The following AKAP19 variants were observed in gnomAD, a reference collection of about 807,000 sequenced individuals.
AKAP19 encodes A-kinase anchoring protein 19.
chr2:189,929,891 G>A, the AKAP19 span, among the ~76,000 whole-genome samples: 44 of 152,210 alleles, frequency 2.9e-4, no homozygotes, highest in Non-Finnish European at 5.1e-4. Flanking sequence ...GGATGGGGAG[G>A]GGGAAGAGAA....
chr2:190,190,970 T>A, the AKAP19 span, among the ~76,000 whole-genome samples: 1 of 152,126 alleles, frequency 6.6e-6, no homozygotes, highest in East Asian at 1.9e-4. Context: ...TAATCTATCA[T>A]CTGTCCCTAT....
the AKAP19 span, among the ~76,000 whole-genome samples, chr2:190,136,699 C>T: frequency 1.7e-4 from 26 of 151,816 alleles, no homozygotes; most frequent in African/African-American, 6.0e-4. Context: ...TAGTTTCTCC[C>T]ACCACTCTGA....
the AKAP19 span, among the ~76,000 whole-genome samples, chr2:190,046,690 T>A: frequency 6.6e-6 from 1 of 152,236 alleles, no homozygotes; most frequent in African/African-American, 2.4e-5. Flanking sequence ...ACCATGTCAC[T>A]AACAAAAATC....
chr2:189,922,146 T>C, the AKAP19 span, among the ~76,000 whole-genome samples: 641 of 152,150 alleles, frequency 4.2e-3, 3 homozygotes, highest in African/African-American at 0.015. Context: ...AGCCCAATAA[T>C]AAGAGAAACC....
At chr2:190,118,406 C>T in the AKAP19 span, among the ~76,000 whole-genome samples, 1 of 152,074 alleles carries the variant, frequency 6.6e-6, no homozygotes, top group African/African-American at 2.4e-5. Context: ...CTGGCAGAGA[C>T]ACAACAAAAA....
At chr2:190,018,772 C>T in the AKAP19 span, among the ~76,000 whole-genome samples, 45 of 152,270 alleles carry the variant, frequency 3.0e-4, no homozygotes, top group African/African-American at 1.1e-3. Context: ...TTCACTTTTA[C>T]AGATGTTATT....
At chr2:189,974,036 T>C in the AKAP19 span, among the ~76,000 whole-genome samples, 4 of 152,218 alleles carry the variant, frequency 2.6e-5, no homozygotes, top group Non-Finnish European at 5.9e-5. Flanking sequence ...TGAATTTGTT[T>C]CTTCTTGCTT....
the AKAP19 span, among the ~76,000 whole-genome samples, chr2:190,107,996 C>T: frequency 1.3e-5 from 2 of 152,158 alleles, no homozygotes; most frequent in African/African-American, 4.8e-5. Flanking sequence ...TAATCCAGTA[C>T]ATTTGCCATG....
the AKAP19 span, among the ~76,000 whole-genome samples, chr2:189,950,960 C>A: frequency 6.6e-6 from 1 of 152,172 alleles, no homozygotes; most frequent in South Asian, 2.1e-4. Flanking sequence ...TTTCAACTTT[C>A]TTTCATGCCT....
At chr2:189,986,302 C>T in the AKAP19 span, among the ~76,000 whole-genome samples, 1 of 151,570 alleles carries the variant, frequency 6.6e-6, no homozygotes, top group Non-Finnish European at 1.5e-5. Context: ...TTCTCTTCCT[C>T]TTTCCTGATG....
At chr2:189,924,218 C>A in the AKAP19 span, 2 of 1,533,802 alleles carry the variant, frequency 1.3e-6, no homozygotes, top group Non-Finnish European at 1.8e-6. Context: ...GACTCTTAAG[C>A]ACATAGTGGG....
the AKAP19 span, among the ~76,000 whole-genome samples, chr2:190,074,275 TGA>T: frequency 6.6e-6 from 1 of 151,902 alleles, no homozygotes; most frequent in Non-Finnish European, 1.5e-5. Context: ...GGAAAAGAAA[TGA>T]GAGGGGAATA....
chr2:189,930,407 G>A, the AKAP19 span: 2 of 293,278 alleles, frequency 6.8e-6, no homozygotes, highest in Non-Finnish European at 1.3e-5. Context: ...GCTGGGCGCG[G>A]TGGCTTCACG....
chr2:189,976,612 C>T, the AKAP19 span, among the ~76,000 whole-genome samples: 6 of 152,240 alleles, frequency 3.9e-5, no homozygotes, highest in African/African-American at 7.2e-5. Context: ...CCTTGAGCTG[C>T]GGTGGGTTCC....
chr2:189,959,612 T>C, the AKAP19 span, among the ~76,000 whole-genome samples: 1 of 152,200 alleles, frequency 6.6e-6, no homozygotes, highest in Non-Finnish European at 1.5e-5. Context: ...TGAGTAAAGC[T>C]CTTTCTACAC....
chr2:190,105,773 C>A, the AKAP19 span, among the ~76,000 whole-genome samples: 1 of 152,218 alleles, frequency 6.6e-6, no homozygotes, highest in African/African-American at 2.4e-5. Flanking sequence ...TCTCTGAAAT[C>A]CTGGCAAATC....
At chr2:190,180,385 C>T in the AKAP19 span, 1 of 835,372 alleles carries the variant, frequency 1.2e-6, no homozygotes, top group Non-Finnish European at 1.4e-6. The surrounding 1 kb of genome is among the most constrained non-coding windows in gnomAD (Gnocchi z 6.8). Context: ...CCTTGGAGGG[C>T]AGCGCCCCCT....
chr2:190,175,000 T>TTACATGGAG, the AKAP19 span, among the ~76,000 whole-genome samples: 17 of 65,276 alleles, frequency 2.6e-4, no homozygotes, highest in South Asian at 4.3e-3. Context: ...GATACATAGA[T>TTACATGGAG]TACATGGAGT....
the AKAP19 span, among the ~76,000 whole-genome samples, chr2:189,933,594 C>A: frequency 6.6e-6 from 1 of 152,092 alleles, no homozygotes; most frequent in Non-Finnish European, 1.5e-5. Flanking sequence ...GAGATTTCAT[C>A]TACAAAAATT....
Sources: allele counts gnomAD v4.1 joint callset (sites outside exome capture counted in the v4.1 genomes callset), GRCh38; gene constraint gnomAD v4.1.1; non-coding constraint Gnocchi (gnomAD v3.1); transcripts MANE v1.5; gene names NCBI Gene and HGNC (gene_info 2026-07-23, HGNC 2026-07-21).